The following SORL1 variants were observed in gnomAD, a reference collection of about 807,000 sequenced individuals.
SORL1 encodes sortilin-related receptor.
SORL1 carries 127 observed loss-of-function variants against 273.7 expected under a neutral mutation model. That is an observed-to-expected ratio of 0.46 (90% CI 0.40 to 0.54). SORL1 has a LOEUF of 0.54. Ranked by LOEUF, SORL1 falls within the 20% of genes least tolerant of loss-of-function variation. The pLI is 0.00. For missense variants in SORL1, 2,494 were observed against 2,846.1 expected (o/e 0.88, Z 2.81); for synonymous variants, 1,031 against 1,067.4 (o/e 0.97, Z 0.66).
intron 20 of SORL1, among the ~76,000 whole-genome samples, chr11:121,559,224 G>A (rs1862637113): frequency 6.6e-6 from 1 of 152,192 alleles, no homozygotes; most frequent in Admixed American, 6.5e-5. Flanking sequence ...CGACTCTGGA[G>A]AGCAACATGG....
rs1293832465 is a variant in SORL1, at chr11:121,596,914, G to A, written c.4519+1142G>A. Among the ~76,000 whole-genome samples the A allele has an allele frequency of 6.6e-6, 1 of 152,034 alleles. No homozygotes were observed. The highest frequency in any genetic ancestry group is 1.9e-4 in the East Asian group (1 of 5,198). On this transcript the variant is annotated intron_variant, in intron 32 of 47. Transcript: ENST00000260197. This position sits in a 1 kb window ranked among gnomAD's most constrained non-coding sequence, Gnocchi z 4.3. ...GAATCCTACCAAGTCTTACCATTTAGAGATGGAATAGAATCTGAGGTGGAG... is the reference window on the plus strand; with the variant it reads ...GAATCCTACCAAGTCTTACCATTTAAAGATGGAATAGAATCTGAGGTGGAG...
intron 25 of SORL1, among the ~76,000 whole-genome samples, chr11:121,580,920 T>C (rs1863005682): frequency 8.0e-6 from 1 of 124,356 alleles, no homozygotes; most frequent in Non-Finnish European, 1.8e-5. Flanking sequence ...CTCATACACT[T>C]TTTTTTTTTT....
intron 18 of SORL1, among the ~76,000 whole-genome samples, chr11:121,556,249 G>A (rs2134905557): frequency 6.6e-6 from 1 of 152,342 alleles, no homozygotes; most frequent in Middle Eastern, 3.4e-3. Flanking sequence ...TTAGATTTTA[G>A]TGGAGGAAGC....
chr11:121,614,790 TA>T, intron 40 of SORL1, 80 bp from the exon 41 acceptor site: 3 of 1,114,656 alleles, frequency 2.7e-6, no homozygotes, highest in South Asian at 1.3e-5. Flanking sequence ...TATTTTTTTT[TA>T]AAAAAGTGCA....
In SORL1 at chr11:121,520,835, A is replaced by G; in HGVS notation, c.1390A>G (p.Lys464Glu). The G allele has an allele frequency of 3.8e-6, 6 of 1,595,960 alleles. No individual in the cohort carries two copies. The highest frequency in any genetic ancestry group is 5.1e-6 in the Non-Finnish European group (6 of 1,174,596). ...TCCAGCCTTCACGGGATATGGAGAG[A>G]AAATCAATTGTGAGGTATTGATGCT... is the stretch of plus-strand genomic sequence containing the variant. ...QAPAFTGYGEKINCELSQGCS... is the reference protein window; with the variant it reads ...QAPAFTGYGEEINCELSQGCS... The change falls in exon 9 of 48, where the codon AAA becomes GAA. Residue 464 changes from lysine to glutamate, a missense_variant. By Grantham distance (56) the Lys-to-Glu change is moderately conservative. Transcript: ENST00000260197.
chr11:121,535,944 T>C (rs1446741250), intron 12 of SORL1, among the ~76,000 whole-genome samples: 13 of 152,188 alleles, frequency 8.5e-5, no homozygotes, highest in Non-Finnish European at 2.9e-5. Flanking sequence ...GTGAACCTGC[T>C]CACGGGAGGC....
chr11:121,514,345 C>G lies in SORL1; in HGVS notation c.1211+24C>G, dbSNP rs762463337. 8.8e-6 allele frequency: 14 copies of G among 1,599,660 alleles called. No homozygotes were observed. In the Admixed American group the frequency reaches 1.7e-4, roughly 20 times the overall value. On this transcript the variant is annotated intron_variant, in intron 8 of 47. Transcript: ENST00000260197. The stretch of plus-strand genomic sequence containing the variant: ...AGGTAAGGAGACTGTGAGTCCTTCT[C>G]CTGCCTTCTTAGGCCAACACAACCA...
chr11:121,619,005 T>C, intron 42 of SORL1, 112 bp downstream of exon 42: 8 of 1,099,094 alleles, frequency 7.3e-6, no homozygotes, highest in Non-Finnish European at 1.1e-5. Flanking sequence ...TTGATGTGTG[T>C]GACGAGAGGC....
At chr11:121,507,311 T>G (rs375225734) in intron 6 of SORL1, among the ~76,000 whole-genome samples, 7 of 152,284 alleles carry the variant, frequency 4.6e-5, no homozygotes, top group African/African-American at 1.7e-4. Context: ...TGGATTTATG[T>G]TTTTTATCAA....
intron 14 of SORL1, among the ~76,000 whole-genome samples, chr11:121,549,240 TG>T (rs1351136775): frequency 6.6e-6 from 1 of 152,000 alleles, no homozygotes; most frequent in Non-Finnish European, 1.5e-5. Context: ...TCTTTTTTTC[TG>T]AGACAGGGGC....
rs1289047896 is a variant in SORL1 at position 121,558,825 on chromosome 11, T to G, written c.2898T>G (p.Ile966Met). Residue 966 changes from isoleucine to methionine, a missense_variant, in exon 20 of 48, where the codon ATT becomes ATG. Physicochemically the swap from Ile to Met is conservative, Grantham distance 10 (BLOSUM62 1). Transcript: ENST00000260197. ...ACAACCTCCCGCACCCCTATGCCAT[T>G]GCTGTCTTTAAGGTGAGTCCATTTG... ...ILDNLPHPYA[I>M]AVFKNEIYWD... is the part of the protein sequence containing the mutation. The G allele has an allele frequency of 3.7e-6, 6 of 1,614,012 alleles. No homozygotes were observed. Among genetic ancestry groups the G allele is most frequent in the Non-Finnish European group, 5.1e-6 (6 of 1,180,006 alleles).
chr11:121,550,633 G>T lies in SORL1; in HGVS notation c.2229G>T (p.Ala743=), dbSNP rs759776103. The part of the protein sequence containing the change: ...GDTCSGGDVE[A]RLEGELVPCP... ...CTTGTAGCGGAGGAGATGTTGAAGCGCGACTGGAAGGAGAGCTGGTCCCCT... is the reference window on the plus strand; with the variant it reads ...CTTGTAGCGGAGGAGATGTTGAAGCTCGACTGGAAGGAGAGCTGGTCCCCT... The change falls in exon 16 of 48, where the codon GCG becomes GCT. Residue 743 remains alanine, a synonymous_variant. Coordinates refer to ENST00000260197, the MANE Select transcript of SORL1 (RefSeq NM_003105.6). The surrounding 1 kb of genome is among the most constrained non-coding windows in gnomAD (Gnocchi z 5.3). The T allele has an allele frequency of 1.9e-6, 3 of 1,614,032 alleles. No homozygotes were observed. The highest frequency in any genetic ancestry group is 1.6e-4 in the Middle Eastern group (1 of 6,084).
intron 9 of SORL1, 131 bp from the exon 10 acceptor site, chr11:121,522,455 G>A (rs985061884): frequency 7.1e-6 from 5 of 708,312 alleles, no homozygotes; most frequent in African/African-American, 1.7e-5. Flanking sequence ...TGGGCTGTGA[G>A]TCTGGTTTCC....
At chr11:121,502,118 ACAATT>A (rs1309924456) in intron 6 of SORL1, among the ~76,000 whole-genome samples, 17 of 131,010 alleles carry the variant, frequency 1.3e-4, no homozygotes, top group Non-Finnish European at 1.4e-4. Context: ...GGGTCATGTG[ACAATT>A]CTTTTTTTTT....
intron 3 of SORL1, among the ~76,000 whole-genome samples, chr11:121,486,605 G>A (rs569224604): frequency 3.3e-5 from 5 of 150,218 alleles, no homozygotes; most frequent in African/African-American, 1.2e-4. Context: ...TCAGCCTCCC[G>A]AGTAGCTGGG....
chr11:121,543,139 C>T (rs1227806456), intron 12 of SORL1, among the ~76,000 whole-genome samples: 3 of 149,674 alleles, frequency 2.0e-5, no homozygotes, highest in Non-Finnish European at 3.0e-5. Flanking sequence ...TGTAGTGAGC[C>T]GAGATCATGC....
At chr11:121,609,034 C>G (rs1863520924) in intron 38 of SORL1, 1 of 152,212 alleles carries the variant, frequency 6.6e-6, no homozygotes, top group African/African-American at 2.4e-5. Context: ...TGAATCGAAG[C>G]AGTTAAATGA....
At chr11:121,589,982 A>G in intron 29 of SORL1, 58 bp from the exon 30 acceptor site, 1 of 1,585,630 alleles carries the variant, frequency 6.3e-7, no homozygotes, top group Non-Finnish European at 8.6e-7. Context: ...CTAGAGTTGG[A>G]GCCCTGTGTT....
chr11:121,572,744 G>T (rs1363178089), intron 23 of SORL1, among the ~76,000 whole-genome samples: 2 of 152,064 alleles, frequency 1.3e-5, no homozygotes, highest in Admixed American at 6.6e-5. Context: ...GTTGTCAGTG[G>T]GTTTCCCTCC....
Sources: gnomAD v4.1 joint callset for allele counts (sites outside exome capture counted in the v4.1 genomes callset) on GRCh38, gnomAD v4.1.1 for gene constraint, Gnocchi (gnomAD v3.1) non-coding constraint, MANE v1.5 for transcripts, NCBI Gene and HGNC (gene_info 2026-07-23, HGNC 2026-07-21) for gene names.